The following DGCR2 variants were observed in gnomAD, a reference collection of about 807,000 sequenced individuals.
DGCR2 encodes DiGeorge syndrome critical region gene 2.
Under a neutral mutation model 51.6 loss-of-function variants are expected in DGCR2, and 24 were observed. The ratio of observed to expected loss-of-function variants is 0.47; its 90% CI spans 0.34 to 0.65. The LOEUF is 0.65. Among genes scored for constraint, DGCR2 ranks in the 30% least tolerant of loss-of-function variants. The pLI is 0.01. For synonymous variants in DGCR2, 340 were observed against 315.4 expected, an observed-to-expected ratio of 1.08 and a Z score of -0.82; for missense variants, 765 against 772.1, an observed-to-expected ratio of 0.99 and a Z score of 0.11.
intron 2 of DGCR2, among the ~76,000 whole-genome samples, chr22:19,086,788 T>C (rs1462949737): frequency 6.6e-6 from 1 of 152,216 alleles, no homozygotes; most frequent in Non-Finnish European, 1.5e-5. Flanking sequence ...TTCAAGCCAA[T>C]ACTCAAGTGC....
At chr22:19,096,122 A>G (rs1402890386) in intron 1 of DGCR2, among the ~76,000 whole-genome samples, 1 of 152,220 alleles carries the variant, frequency 6.6e-6, no homozygotes, top group African/African-American at 2.4e-5. Context: ...GGAACCCTCC[A>G]TTCCTCCTCA....
In DGCR2 at chr22:19,057,507, T is replaced by C. The variant is rs1399438703; in HGVS notation, c.626-345A>G. Among the ~76,000 whole-genome samples, 3 of 152,168 alleles carry C rather than the reference T, an allele frequency of 2.0e-5. No homozygotes were observed. Among genetic ancestry groups the C allele is most frequent in the East Asian group, 1.9e-4 (1 of 5,196 alleles). ...AACAGCATAATAACAAAGTAATGGA[T>C]TGTGGCACACTGGATTAAAATGCAA... On this transcript the variant is annotated intron_variant, in intron 5 of 9. Transcript: ENST00000263196. This position sits in a 1 kb window ranked among gnomAD's most constrained non-coding sequence, Gnocchi z 5.1.
intron 7 of DGCR2, chr22:19,048,188 T>C: frequency 1.8e-6 from 1 of 558,916 alleles, no homozygotes; most frequent in Non-Finnish European, 3.2e-6. Flanking sequence ...CACACTTGAG[T>C]TCAAGTTCAT....
rs1354728543 is a variant in DGCR2, at chr22:19,122,212, C to G, written c.-6G>C. 6.7e-7 allele frequency: 1 copy of G among 1,499,828 alleles called. No homozygotes were observed. The highest frequency in any genetic ancestry group is 1.5e-5 in the African/African-American group (1 of 68,616). The allele number at this position is 1,499,828 out of a possible 1,614,324, so 92.9% of individuals were successfully genotyped here. A position where few individuals can be genotyped will look rare whatever the true frequency, so the allele number is the denominator to read the frequency against. On this transcript the variant is annotated 5_prime_UTR_variant, in exon 1 of 10. Coordinates refer to ENST00000263196, the MANE Select transcript of DGCR2 (RefSeq NM_005137.3). ...CTGTCTGCCTTGGGCACCATTTATC[C>G]TCCGTTCATCGTCCCCGGGGCGGCT...
In DGCR2 at chr22:19,094,838, G is replaced by A. The variant is rs9618474; in HGVS notation, c.80-5348C>T. Among the ~76,000 whole-genome samples, 808 of 152,254 alleles carry A rather than the reference G, an allele frequency of 5.3e-3. 7 individuals carry two copies. The highest frequency in any genetic ancestry group is 0.019 in the African/African-American group (774 of 41,534). On this transcript the variant is annotated intron_variant, in intron 1 of 9. Transcript: ENST00000263196. ...TATTAACACATTCCGCAGCATGGAT[G>A]AATCTCAAAATAATTATATTGAGTG...
At chr22:19,063,181 C>A in intron 5 of DGCR2, 21 bp downstream of exon 5, 3 of 1,612,788 alleles carry the variant, frequency 1.9e-6, no homozygotes, top group Non-Finnish European at 2.5e-6. Context: ...TCAAACACTC[C>A]CACACACCAG....
chr22:19,048,671 T>C, intron 6 of DGCR2, 28 bp from the exon 7 acceptor site: 1 of 1,609,068 alleles, frequency 6.2e-7, no homozygotes, highest in Non-Finnish European at 8.5e-7. Context: ...TGTGTACAGA[T>C]GTATACAATG....
intron 1 of DGCR2, among the ~76,000 whole-genome samples, chr22:19,105,301 G>A (rs999314106): frequency 5.3e-5 from 8 of 152,150 alleles, no homozygotes; most frequent in African/African-American, 1.9e-4. Context: ...TCCAGCCTGG[G>A]TGACAGCATG....
At position 19,064,830 on chromosome 22, in the gene DGCR2, C is replaced by T; in HGVS notation, c.548+18G>A. 1 of 1,609,504 alleles carries T rather than the reference C, an allele frequency of 6.2e-7. No homozygotes were observed. The highest frequency in any genetic ancestry group is 1.1e-5 in the South Asian group (1 of 90,956). On this transcript the variant is annotated intron_variant, in intron 4 of 9. Coordinates refer to ENST00000263196, the MANE Select transcript of DGCR2 (RefSeq NM_005137.3). ...AGACTCTGACTCCAGCCCCTCAGGT[C>T]CCCAATCCAGGACTCACTTGCGCTG...
chr22:19,092,364 A>G (rs1447379488), intron 1 of DGCR2, among the ~76,000 whole-genome samples: 1 of 151,972 alleles, frequency 6.6e-6, no homozygotes, highest in Non-Finnish European at 1.5e-5. Flanking sequence ...AAATACTACT[A>G]TCAGAAGAGA....
At chr22:19,114,600 G>C (rs1173773066) in intron 1 of DGCR2, among the ~76,000 whole-genome samples, 1 of 152,236 alleles carries the variant, frequency 6.6e-6, no homozygotes, top group Non-Finnish European at 1.5e-5. Flanking sequence ...TGGCACCGGA[G>C]AGACCTCTGC....
chr22:19,107,465 ATCACCACCTGCTACC>A (rs2083271220), intron 1 of DGCR2, among the ~76,000 whole-genome samples: 1 of 152,218 alleles, frequency 6.6e-6, no homozygotes, highest in Non-Finnish European at 1.5e-5. Flanking sequence ...AGAAGAAGTG[ATCACCACCTGCTACC>A]ATCTATCTGT....
rs2083353142 is a variant in DGCR2 at position 19,114,487 on chromosome 22, GCCC to G, written c.79+7638_79+7640del. Reference sequence around the variant, plus strand: ...AGAACTGCAGCAAAGGCCTGCCATGGCCCCCAACAAGCCTCTAACTCTTCCAGG... The same window carrying G: ...AGAACTGCAGCAAAGGCCTGCCATGGCCAACAAGCCTCTAACTCTTCCAGG... On this transcript the variant is annotated intron_variant, in intron 1 of 9. Transcript: ENST00000263196. Among the ~76,000 whole-genome samples the G allele has an allele frequency of 2.0e-5, 3 of 152,182 alleles. No homozygotes were observed. The South Asian group carries it at 6.2e-4, about 32-fold the overall frequency.
chr22:19,081,319 C>T (rs933564455), intron 2 of DGCR2, among the ~76,000 whole-genome samples: 1 of 152,096 alleles, frequency 6.6e-6, no homozygotes, highest in African/African-American at 2.4e-5. Context: ...TGTATCACTG[C>T]GCTTATTTTT....
intron 6 of DGCR2, chr22:19,056,576 C>A: frequency 5.2e-6 from 2 of 387,128 alleles, no homozygotes; most frequent in African/African-American, 2.2e-5. Context: ...AACACACACA[C>A]CATAGACTGG....
intron 1 of DGCR2, among the ~76,000 whole-genome samples, chr22:19,118,396 A>C (rs547656725): frequency 7.9e-5 from 12 of 151,156 alleles, no homozygotes; most frequent in East Asian, 1.9e-4. Flanking sequence ...AAAAAAAAAA[A>C]AACAACTCTG....
intron 1 of DGCR2, among the ~76,000 whole-genome samples, chr22:19,109,522 A>C (rs2083292909): frequency 6.6e-6 from 1 of 152,240 alleles, no homozygotes; most frequent in East Asian, 1.9e-4. Context: ...GCCAAACATA[A>C]AAAGACAAAT....
chr22:19,054,961 C>G (rs1178772424), intron 6 of DGCR2, among the ~76,000 whole-genome samples: 5 of 152,088 alleles, frequency 3.3e-5, no homozygotes, highest in African/African-American at 4.8e-5. Context: ...ACTAAAAATA[C>G]AAAAATTAGC....
chr22:19,062,252 G>C (rs2082671836), intron 5 of DGCR2, among the ~76,000 whole-genome samples: 1 of 152,170 alleles, frequency 6.6e-6, no homozygotes, highest in Non-Finnish European at 1.5e-5. Context: ...GGTGGCATCT[G>C]TCCTGAGCAG....
Sources: gnomAD v4.1 joint callset for allele counts (sites outside exome capture counted in the v4.1 genomes callset) on GRCh38, gnomAD v4.1.1 for gene constraint, Gnocchi (gnomAD v3.1) non-coding constraint, MANE v1.5 for transcripts, NCBI Gene and HGNC (gene_info 2026-07-23, HGNC 2026-07-21) for gene names.